PTPRD: variants seen among roughly 807,000 people sequenced by gnomAD.
PTPRD encodes receptor-type tyrosine-protein phosphatase delta.
A neutral mutation model predicts 214.5 loss-of-function variants in PTPRD; 34 were observed. The observed-to-expected ratio is 0.16, with a 90% CI of 0.12 to 0.21. PTPRD has a LOEUF of 0.21. PTPRD is among the 10% of genes least tolerant of loss of function. PTPRD has a pLI of 1.00. For missense variants in PTPRD, 2,545 were observed against 2,398.7 expected, an observed-to-expected ratio of 1.06 and a Z score of -1.27; for synonymous variants, 1,128 against 845.7, an observed-to-expected ratio of 1.33 and a Z score of -5.79.
At chr9:9,575,717 C>CAAAAAAAAAAAGAAAAAAAAAAAA (rs2088327328) in intron 7 of PTPRD, among the ~76,000 whole-genome samples, 1 of 33,312 alleles carries the variant, frequency 3.0e-5, no homozygotes, top group African/African-American at 1.1e-4. Flanking sequence ...AAGACTGTCT[C>CAAAAAAAAAAAGAAAAAAAAAAAA]AAAAAAAAAA....
chr9:8,377,084 C>T (rs1050983711), intron 37 of PTPRD, among the ~76,000 whole-genome samples: 19 of 152,192 alleles, frequency 1.2e-4, no homozygotes, highest in Non-Finnish European at 2.9e-5. Flanking sequence ...GGGAGGATGA[C>T]ACTTTGTCAT....
chr9:10,238,675 G>A (rs10217805), intron 3 of PTPRD, among the ~76,000 whole-genome samples: 57,381 of 151,638 alleles, frequency 0.38, 12,610 homozygotes, highest in Non-Finnish European at 0.49. Context: ...ATGCAGATAT[G>A]AAAATCCTAT....
At chr9:8,939,235 T>C (rs894209018) in intron 11 of PTPRD, among the ~76,000 whole-genome samples, 2 of 152,190 alleles carry the variant, frequency 1.3e-5, no homozygotes, top group Non-Finnish European at 1.5e-5. Flanking sequence ...TTTCCATTAC[T>C]ACCACTGATG....
At chr9:9,394,732 G>T (rs763837096) in intron 9 of PTPRD, among the ~76,000 whole-genome samples, 1 of 151,962 alleles carries the variant, frequency 6.6e-6, no homozygotes, top group Non-Finnish European at 1.5e-5. Flanking sequence ...TTTAAAGAAC[G>T]GGAATATGTA....
chr9:9,390,667 A>G (rs1162897952), intron 9 of PTPRD, among the ~76,000 whole-genome samples: 1 of 152,224 alleles, frequency 6.6e-6, no homozygotes, highest in Admixed American at 6.5e-5. Context: ...CTTTTAGTAC[A>G]GTCACAGATG....
chr9:9,604,327 A>G (rs1447665505), intron 7 of PTPRD, among the ~76,000 whole-genome samples: 3 of 152,134 alleles, frequency 2.0e-5, no homozygotes, highest in Non-Finnish European at 4.4e-5. Context: ...TTTATTTATC[A>G]AAGTCAATTA....
At chr9:10,469,699 G>C (rs2099017595) in intron 2 of PTPRD, among the ~76,000 whole-genome samples, 3 of 152,068 alleles carry the variant, frequency 2.0e-5, no homozygotes, top group Non-Finnish European at 2.9e-5. Context: ...TAAAAGAGTT[G>C]TGTGCACTCC....
chr9:10,472,703 T>C (rs1450146880), intron 2 of PTPRD, among the ~76,000 whole-genome samples: 4 of 152,124 alleles, frequency 2.6e-5, no homozygotes, highest in Non-Finnish European at 5.9e-5. Context: ...TTTTCTATTT[T>C]CCTCTGTACC....
intron 35 of PTPRD, among the ~76,000 whole-genome samples, chr9:8,420,889 T>G (rs1179208808): frequency 6.6e-6 from 1 of 152,010 alleles, no homozygotes; most frequent in African/African-American, 2.4e-5. Flanking sequence ...CCCCTGTTGT[T>G]TTATTTCAGG....
intron 5 of PTPRD, among the ~76,000 whole-genome samples, chr9:9,874,975 C>T (rs929256609): frequency 1.3e-5 from 2 of 152,122 alleles, no homozygotes; most frequent in African/African-American, 4.8e-5. Context: ...TTTGTCCAAT[C>T]ATTTGAATAA....
chr9:9,450,110 GTGTGTGTGTC>G (rs1283498095), intron 8 of PTPRD, among the ~76,000 whole-genome samples: 2 of 78,608 alleles, frequency 2.5e-5, no homozygotes, highest in Admixed American at 1.4e-4. Flanking sequence ...GTGTGTGTGT[GTGTGTGTGTC>G]TGTGTGTGTG....
intron 4 of PTPRD, among the ~76,000 whole-genome samples, chr9:10,028,175 C>G (rs1302726218): frequency 3.9e-5 from 6 of 152,180 alleles, no homozygotes; most frequent in Non-Finnish European, 8.8e-5. Context: ...CCTTCACAAG[C>G]TCTCTTCTCT....
intron 2 of PTPRD, among the ~76,000 whole-genome samples, chr9:10,350,017 C>A (rs1227308548): frequency 6.6e-6 from 1 of 152,152 alleles, no homozygotes. Context: ...ATCAAGGCAG[C>A]TGGATTGGTC....
intron 7 of PTPRD, among the ~76,000 whole-genome samples, chr9:9,598,918 T>C (rs554737955): frequency 6.6e-6 from 1 of 152,120 alleles, no homozygotes; most frequent in Non-Finnish European, 1.5e-5. Context: ...GTGCCCCCTG[T>C]CTGACATTTT....
At chr9:8,466,110 T>G (rs1423376038) in intron 31 of PTPRD, among the ~76,000 whole-genome samples, 3 of 151,888 alleles carry the variant, frequency 2.0e-5, no homozygotes, top group African/African-American at 7.2e-5. Flanking sequence ...TTAGAAGAGG[T>G]TAGTGCCACT....
chr9:8,583,313 GGGA>G (rs1554837518), intron 14 of PTPRD, among the ~76,000 whole-genome samples: 3 of 152,092 alleles, frequency 2.0e-5, no homozygotes, highest in Non-Finnish European at 2.9e-5. Context: ...CCCAGGGTTG[GGGA>G]CCCCTGATTT....
chr9:10,332,866 A>T (rs2096776814), intron 3 of PTPRD, among the ~76,000 whole-genome samples: 1 of 151,862 alleles, frequency 6.6e-6, no homozygotes. Context: ...TGATTAAAAG[A>T]TGCAGCCCCC....
chr9:10,303,554 G>C lies in PTPRD; in HGVS notation c.-545+37409C>G, dbSNP rs143030028. ...GAAGAAAAGAGAGAAGGATCAAATA[G>C]ATGCAATAAAAAATAATAAAGGGGA... On this transcript the variant is annotated intron_variant, in intron 3 of 45. Transcript: ENST00000381196. Among the ~76,000 whole-genome samples the C allele has an allele frequency of 3.2e-3, 481 of 152,090 alleles. 3 individuals carry two copies. Among genetic ancestry groups the C allele is most frequent in the African/African-American group, 0.011 (465 of 41,500 alleles).
intron 2 of PTPRD, among the ~76,000 whole-genome samples, chr9:10,341,952 C>T (rs2096948309): frequency 6.6e-6 from 1 of 151,950 alleles, no homozygotes; most frequent in African/African-American, 2.4e-5. Flanking sequence ...TGGTTTCTAG[C>T]TTTCTAACCT....
Sources: gnomAD v4.1 joint callset for allele counts (sites outside exome capture counted in the v4.1 genomes callset) on GRCh38, gnomAD v4.1.1 for gene constraint, MANE v1.5 for transcripts, NCBI Gene and HGNC (gene_info 2026-07-23, HGNC 2026-07-21) for gene names.